Variants in DNAJB6 observed in about 807,000 individuals in gnomAD.
DNAJB6 encodes the protein DnaJ heat shock protein family (Hsp40) member B6.
DNAJB6 carries 16 observed loss-of-function variants against 42.7 expected under a neutral mutation model. The observed-to-expected ratio is 0.37, with a 90% CI of 0.25 to 0.57. The LOEUF (loss-of-function observed/expected upper bound fraction) is 0.57, where lower values mean the gene tolerates loss of function less well. DNAJB6 is among the 20% of genes least tolerant of loss of function. DNAJB6 has a pLI of 0.74. For synonymous variants in DNAJB6, 170 were observed against 163.5 expected, an observed-to-expected ratio of 1.04 and a Z score of -0.30; for missense variants, 347 against 416.8, an observed-to-expected ratio of 0.83 and a Z score of 1.46.
intron 7 of DNAJB6, 152 bp downstream of exon 7, chr7:157,385,160 A>C: frequency 1.3e-6 from 1 of 799,216 alleles, no homozygotes; most frequent in Non-Finnish European, 1.9e-6. Context: ...TCATTAATTA[A>C]AGCCTTTTCT....
At chr7:157,388,715 C>T (rs1801202390) in intron 8 of DNAJB6, among the ~76,000 whole-genome samples, 1 of 151,988 alleles carries the variant, frequency 6.6e-6, no homozygotes, top group African/African-American at 2.4e-5. Flanking sequence ...TGCTGTCACC[C>T]AAGCAGTGTA....
intron 1 of DNAJB6, among the ~76,000 whole-genome samples, chr7:157,344,836 C>G (rs1378212256): frequency 6.6e-6 from 1 of 152,110 alleles, no homozygotes; most frequent in Non-Finnish European, 1.5e-5. Flanking sequence ...TGGTCTTGAA[C>G]TCCTGAGCTG....
intron 2 of DNAJB6, among the ~76,000 whole-genome samples, chr7:157,362,716 C>T (rs1000622163): frequency 2.6e-4 from 39 of 152,244 alleles, no homozygotes; most frequent in African/African-American, 8.9e-4. Context: ...TGTCAGTCCA[C>T]GTTGTGGACA....
At chr7:157,386,498 A>G (rs1275192844) in intron 8 of DNAJB6, among the ~76,000 whole-genome samples, 1 of 152,224 alleles carries the variant, frequency 6.6e-6, no homozygotes. Context: ...GCAATTGATC[A>G]AACATTTAAT....
At chr7:157,355,448 C>T (rs1799223521) in intron 1 of DNAJB6, among the ~76,000 whole-genome samples, 1 of 152,226 alleles carries the variant, frequency 6.6e-6, no homozygotes, top group South Asian at 2.1e-4. Flanking sequence ...GCGTGAGCCA[C>T]CGCACCCGGC....
chr7:157,407,683 C>G (rs1563152501), intron 8 of DNAJB6, among the ~76,000 whole-genome samples: 1 of 152,172 alleles, frequency 6.6e-6, no homozygotes, highest in South Asian at 2.1e-4. Flanking sequence ...TGTCCCCGGG[C>G]AGCCTGCAGA....
intron 1 of DNAJB6, among the ~76,000 whole-genome samples, chr7:157,338,803 C>T (rs1584866766): frequency 6.6e-6 from 1 of 152,082 alleles, no homozygotes; most frequent in African/African-American, 2.4e-5. Context: ...AGTAAGTTGC[C>T]TTAAGTTGGT....
chr7:157,370,447 CATT>C (rs1800153900), intron 5 of DNAJB6, among the ~76,000 whole-genome samples: 1 of 152,140 alleles, frequency 6.6e-6, no homozygotes, highest in Non-Finnish European at 1.5e-5. Flanking sequence ...CCTTTCTTAA[CATT>C]ATGATTATTA....
chr7:157,388,126 G>A (rs760510385), intron 8 of DNAJB6, among the ~76,000 whole-genome samples: 1 of 152,200 alleles, frequency 6.6e-6, no homozygotes, highest in Non-Finnish European at 1.5e-5. Context: ...GATTACAGGC[G>A]TGAGCCACTG....
chr7:157,396,596 G>T (rs1801595229), intron 8 of DNAJB6, among the ~76,000 whole-genome samples: 1 of 152,178 alleles, frequency 6.6e-6, no homozygotes, highest in African/African-American at 2.4e-5. Context: ...AGTGCGCCCT[G>T]GGCCCCCTCC....
intron 8 of DNAJB6, among the ~76,000 whole-genome samples, chr7:157,398,948 A>T (rs1335887331): frequency 6.6e-6 from 1 of 152,238 alleles, no homozygotes; most frequent in Non-Finnish European, 1.5e-5. Flanking sequence ...AAAGAAGAGT[A>T]ATTAATGGTA....
intron 8 of DNAJB6, among the ~76,000 whole-genome samples, chr7:157,392,633 C>T (rs994984145): frequency 3.9e-5 from 6 of 152,122 alleles, no homozygotes; most frequent in Non-Finnish European, 5.9e-5. Flanking sequence ...TGTGTGCATC[C>T]GGAAGCGCAG....
intron 1 of DNAJB6, chr7:157,337,709 C>T (rs538583794): frequency 6.6e-6 from 1 of 152,390 alleles, no homozygotes; most frequent in Non-Finnish European, 1.5e-5. Context: ...GCCTTTCTCA[C>T]TCAGAATGTT....
chr7:157,340,017 C>T (rs1050397562), intron 1 of DNAJB6: 1 of 152,198 alleles, frequency 6.6e-6, no homozygotes, highest in African/African-American at 2.4e-5. Context: ...TGGGTGTCAC[C>T]GCGGGACCGC....
At chr7:157,339,093 A>C (rs1231696936) in intron 1 of DNAJB6, among the ~76,000 whole-genome samples, 1 of 152,138 alleles carries the variant, frequency 6.6e-6, no homozygotes, top group Non-Finnish European at 1.5e-5. Flanking sequence ...GAAGACTAAA[A>C]TATGCATATG....
At chr7:157,413,002 C>G (rs7784932) in intron 9 of DNAJB6, 2 of 152,198 alleles carry the variant, frequency 1.3e-5, no homozygotes, top group Admixed American at 6.5e-5. Flanking sequence ...GCAGGAATGT[C>G]GGGGAGCGCG....
chr7:157,357,774 T>G (rs1799383945), intron 1 of DNAJB6, among the ~76,000 whole-genome samples: 1 of 152,148 alleles, frequency 6.6e-6, no homozygotes, highest in Non-Finnish European at 1.5e-5. Flanking sequence ...CAGAATGGGT[T>G]TCATTGTACA....
chr7:157,401,280 G>A (rs1795509286), intron 8 of DNAJB6, among the ~76,000 whole-genome samples: 1 of 151,998 alleles, frequency 6.6e-6, no homozygotes, highest in South Asian at 2.1e-4. Flanking sequence ...GTGCGATGGC[G>A]CCATCTTGGT....
chr7:157,344,725 G>C (rs752133716), intron 1 of DNAJB6, among the ~76,000 whole-genome samples: 2 of 152,102 alleles, frequency 1.3e-5, no homozygotes, highest in Non-Finnish European at 2.9e-5. Context: ...TGATTTTCCT[G>C]CCTCAGCCAC....
Sources: allele counts gnomAD v4.1 joint callset (sites outside exome capture counted in the v4.1 genomes callset), GRCh38; gene constraint gnomAD v4.1.1; transcripts MANE v1.5; gene names NCBI Gene and HGNC (gene_info 2026-07-23, HGNC 2026-07-21).